Variants in EBPL observed in about 807,000 individuals in gnomAD.
The protein encoded by EBPL is emopamil-binding protein-like.
A neutral mutation model predicts 19.0 loss-of-function variants in EBPL; 20 were observed. The observed-to-expected ratio is 1.05, with a 90% CI of 0.74 to 1.53. The LOEUF (loss-of-function observed/expected upper bound fraction) is 1.53. Among genes scored for constraint, EBPL ranks in the 40% most tolerant of loss-of-function variants. The pLI is 0.00. For synonymous variants in EBPL, 107 were observed against 117.0 expected, an observed-to-expected ratio of 0.91 and a Z score of 0.55; for missense variants, 219 against 261.1, an observed-to-expected ratio of 0.84 and a Z score of 1.11.
chr13:49,686,666 A>G, intron 1 of EBPL: 1 of 1,258,600 alleles, frequency 7.9e-7, no homozygotes, highest in Non-Finnish European at 1.0e-6. Flanking sequence ...TCTCTAGCTC[A>G]GCAAAAGCAG....
intron 1 of EBPL, among the ~76,000 whole-genome samples, chr13:49,671,945 T>C (rs1953821406): frequency 1.3e-5 from 2 of 152,244 alleles, no homozygotes; most frequent in Admixed American, 1.3e-4. Flanking sequence ...CATCTACTTG[T>C]TGAAGCTCTA....
chr13:49,673,917 T>C (rs542955857), intron 1 of EBPL, among the ~76,000 whole-genome samples: 1 of 150,498 alleles, frequency 6.6e-6, no homozygotes, highest in South Asian at 2.1e-4. Flanking sequence ...GCTGTTGTGG[T>C]TGATATATGA....
intron 1 of EBPL, among the ~76,000 whole-genome samples, chr13:49,685,763 C>T (rs193224993): frequency 1.5e-3 from 227 of 152,108 alleles, no homozygotes; most frequent in African/African-American, 4.9e-3. Flanking sequence ...GTACCAGCTA[C>T]TCGGGAGGCT....
At chr13:49,673,962 T>TACACAC (rs56323070) in intron 1 of EBPL, among the ~76,000 whole-genome samples, 1,773 of 143,328 alleles carry the variant, frequency 0.012, 15 homozygotes, top group African/African-American at 0.018. Flanking sequence ...TGGAACTTAA[T>TACACAC]ACACACACAC....
chr13:49,686,569 C>T (rs1301891266), intron 1 of EBPL: 2 of 1,289,742 alleles, frequency 1.6e-6, no homozygotes, highest in South Asian at 1.2e-5. Flanking sequence ...CAGCACTCTC[C>T]TGGTTCGTGG....
At chr13:49,689,680 T>A (rs1408918956) in intron 1 of EBPL, among the ~76,000 whole-genome samples, 2 of 152,238 alleles carry the variant, frequency 1.3e-5, no homozygotes, top group Non-Finnish European at 2.9e-5. Context: ...CATTCTGATA[T>A]GCTATATACA....
intron 1 of EBPL, among the ~76,000 whole-genome samples, chr13:49,675,084 C>T (rs114283036): frequency 0.012 from 1,846 of 152,284 alleles, 32 homozygotes; most frequent in African/African-American, 0.042. Context: ...AGCCTCACAA[C>T]GGTGATACGC....
At chr13:49,691,118 G>T in intron 1 of EBPL, 136 bp downstream of exon 1, 3 of 839,884 alleles carry the variant, frequency 3.6e-6, no homozygotes, top group Non-Finnish European at 4.7e-6. Context: ...GCGCCTCTCA[G>T]CTAACAGACT....
chr13:49,681,808 T>C (rs536959966), intron 1 of EBPL, among the ~76,000 whole-genome samples: 1 of 152,236 alleles, frequency 6.6e-6, no homozygotes, highest in Non-Finnish European at 1.5e-5. Context: ...GCTGAGTTTA[T>C]ATTTGAATGT....
intron 1 of EBPL, among the ~76,000 whole-genome samples, chr13:49,677,829 GGTGA>G (rs1048910389): frequency 2.6e-5 from 4 of 152,128 alleles, no homozygotes; most frequent in African/African-American, 9.7e-5. Context: ...GGACCCTCGC[GGTGA>G]GTGTTAGTTC....
intron 1 of EBPL, among the ~76,000 whole-genome samples, chr13:49,681,416 G>A (rs1345186046): frequency 1.3e-5 from 2 of 152,024 alleles, no homozygotes; most frequent in African/African-American, 4.8e-5. Flanking sequence ...TCAGCCTCCT[G>A]AGTAGCTGAG....
At chr13:49,673,988 C>T (rs1298330371) in intron 1 of EBPL, among the ~76,000 whole-genome samples, 4 of 151,304 alleles carry the variant, frequency 2.6e-5, no homozygotes, top group African/African-American at 9.8e-5. Context: ...CACACACACA[C>T]ACACCACACA....
intron 1 of EBPL, among the ~76,000 whole-genome samples, chr13:49,682,948 T>C (rs979496354): frequency 6.6e-6 from 1 of 152,092 alleles, no homozygotes; most frequent in African/African-American, 2.4e-5. Flanking sequence ...GTTTAGGAAC[T>C]GATACTGCAT....
chr13:49,679,028 A>G (rs1953914177), intron 1 of EBPL, among the ~76,000 whole-genome samples: 1 of 146,516 alleles, frequency 6.8e-6, no homozygotes, highest in African/African-American at 2.5e-5. Context: ...AAGACTATTC[A>G]GGGGCTTTTG....
intron 1 of EBPL, among the ~76,000 whole-genome samples, chr13:49,685,851 CGA>C (rs1239778848): frequency 6.7e-6 from 1 of 148,910 alleles, no homozygotes; most frequent in Non-Finnish European, 1.5e-5. Flanking sequence ...CCAGCCTGGG[CGA>C]GAGAGAGAGA....
chr13:49,672,383 T>C (rs1318536213), intron 1 of EBPL, among the ~76,000 whole-genome samples: 1 of 152,158 alleles, frequency 6.6e-6, no homozygotes, highest in Non-Finnish European at 1.5e-5. Context: ...GGAAGCAAGA[T>C]TTTACTATTC....
rs576936024 is a variant in EBPL, at chr13:49,680,167, G to A, written c.172-10321C>T. On this transcript the variant is annotated intron_variant, in intron 1 of 3. Transcript: ENST00000242827. ...GAGTTCTACACCTGCCAAGACCCAC[G>A]AGCCACAGGGAAGTCAAGCTCACAG... Among the ~76,000 whole-genome samples the A allele has an allele frequency of 3.4e-3, 521 of 152,260 alleles. 3 individuals carry two copies. The highest frequency in any genetic ancestry group is 4.1e-3 in the Non-Finnish European group (282 of 68,024).
chr13:49,690,022 C>T (rs895005197), intron 1 of EBPL, among the ~76,000 whole-genome samples: 2 of 151,832 alleles, frequency 1.3e-5, no homozygotes, highest in African/African-American at 2.4e-5. Flanking sequence ...TGGTGACGGG[C>T]GCCCGTAATC....
intron 1 of EBPL, among the ~76,000 whole-genome samples, chr13:49,673,199 C>T (rs924218355): frequency 2.0e-5 from 3 of 152,048 alleles, no homozygotes; most frequent in East Asian, 1.9e-4. Flanking sequence ...GGGATAGAAG[C>T]GATACAGCCA....
Sources: allele counts gnomAD v4.1 joint callset (sites outside exome capture counted in the v4.1 genomes callset), GRCh38; gene constraint gnomAD v4.1.1; transcripts MANE v1.5; gene names NCBI Gene and HGNC (gene_info 2026-07-23, HGNC 2026-07-21).